The following RERE variants were observed in gnomAD, a reference collection of about 807,000 sequenced individuals.
The protein encoded by RERE is arginine-glutamic acid dipeptide repeats protein.
A neutral mutation model predicts 146.1 loss-of-function variants in RERE; 40 were observed. The observed-to-expected ratio is 0.27, with a 90% CI of 0.21 to 0.36. The LOEUF (loss-of-function observed/expected upper bound fraction) is 0.36. Ranked by LOEUF, RERE falls within the 10% of genes least tolerant of loss-of-function variation. The probability of loss-of-function intolerance (pLI) is 1.00; values close to 1 mark genes in which losing one functional copy is unlikely to be tolerated. For synonymous variants in RERE, 1,003 were observed against 866.0 expected (o/e 1.16, Z -2.78); for missense variants, 1,933 against 2,138.7 (o/e 0.90, Z 1.90).
intron 1 of RERE, among the ~76,000 whole-genome samples, chr1:8,677,454 GAAAAAAA>G (rs571192127): frequency 4.9e-5 from 5 of 101,698 alleles, no homozygotes; most frequent in Non-Finnish European, 1.1e-4. Flanking sequence ...AGAAAGAAAA[GAAAAAAA>G]AAAAAAAAGA....
At chr1:8,688,836 C>T (rs562044131) in intron 1 of RERE, among the ~76,000 whole-genome samples, 3 of 152,322 alleles carry the variant, frequency 2.0e-5, no homozygotes, top group Admixed American at 2.0e-4. Context: ...GTGTTCTGAG[C>T]ATGTGTAACA....
chr1:8,368,541 A>C (rs1433175133), intron 12 of RERE, among the ~76,000 whole-genome samples: 1 of 151,772 alleles, frequency 6.6e-6, no homozygotes, highest in African/African-American at 2.4e-5. Context: ...ACGAGACAAA[A>C]GGGACCAAAA....
chr1:8,363,036 G>A (rs1267064048), intron 15 of RERE, among the ~76,000 whole-genome samples, 192 bp from the exon 16 acceptor site: 1 of 152,176 alleles, frequency 6.6e-6, no homozygotes, highest in Non-Finnish European at 1.5e-5. Flanking sequence ...TCAGGGAAGA[G>A]GTGGGGAAAT....
intron 4 of RERE, among the ~76,000 whole-genome samples, chr1:8,603,770 C>T (rs1008741098): frequency 2.0e-5 from 3 of 151,846 alleles, no homozygotes; most frequent in African/African-American, 4.8e-5. Context: ...ACGTAAGCAA[C>T]ATAAGGAGGA....
intron 7 of RERE, among the ~76,000 whole-genome samples, chr1:8,534,861 A>T (rs1349146436): frequency 6.6e-6 from 1 of 152,246 alleles, no homozygotes; most frequent in Non-Finnish European, 1.5e-5. Context: ...TAAGAATTGT[A>T]TACTGACAGG....
intron 1 of RERE, among the ~76,000 whole-genome samples, chr1:8,683,507 T>C (rs1639020758): frequency 1.3e-5 from 2 of 152,172 alleles, no homozygotes; most frequent in Admixed American, 1.3e-4. Flanking sequence ...CCATCCACTG[T>C]AGACTGTCTA....
chr1:8,621,598 T>C (rs1021485945), intron 3 of RERE, among the ~76,000 whole-genome samples: 9 of 152,206 alleles, frequency 5.9e-5, no homozygotes, highest in Admixed American at 2.6e-4. Context: ...AACACATCTC[T>C]CAGTTATAAC....
chr1:8,480,193 G>A (rs1344659253), intron 10 of RERE, among the ~76,000 whole-genome samples: 1 of 136,066 alleles, frequency 7.3e-6, no homozygotes, highest in African/African-American at 2.8e-5. Flanking sequence ...AGGCTGCAGT[G>A]CACTGATGTC....
chr1:8,525,195 C>T (rs911574249), intron 7 of RERE, among the ~76,000 whole-genome samples: 10 of 152,164 alleles, frequency 6.6e-5, no homozygotes, highest in Non-Finnish European at 1.5e-4. Flanking sequence ...TTGTTGCAAT[C>T]ATAATTCACA....
intron 1 of RERE, among the ~76,000 whole-genome samples, chr1:8,663,480 T>G (rs1196782472): frequency 6.6e-6 from 1 of 152,150 alleles, no homozygotes; most frequent in East Asian, 1.9e-4. Flanking sequence ...TCCAACTGAA[T>G]CTTAGCTTAC....
Position 8,812,845 on chromosome 1 carries a change from T to C in RERE, c.-145+4315A>G, listed in dbSNP as rs114308193. Among the ~76,000 whole-genome samples the C allele has an allele frequency of 6.0e-3, 912 of 152,256 alleles. 7 individuals are homozygous for C. Among genetic ancestry groups the C allele is most frequent in the African/African-American group, 0.021 (885 of 41,542 alleles). ...TGAAGCTAGTAAATATATTTAGTAT[T>C]TGAACTTGAGTTGTGTTCAAATGTT... is the stretch of plus-strand genomic sequence containing the variant. On this transcript the variant is annotated intron_variant, in intron 1 of 22. Coordinates refer to ENST00000400908, the MANE Select transcript of RERE (RefSeq NM_001042681.2).
At chr1:8,678,460 T>C (rs1274476179) in intron 1 of RERE, among the ~76,000 whole-genome samples, 19 of 149,426 alleles carry the variant, frequency 1.3e-4, no homozygotes, top group Admixed American at 1.1e-3. Flanking sequence ...CTGGCTAACA[T>C]GGTGAAACCC....
chr1:8,725,360 GT>G (rs1293526825), intron 1 of RERE, among the ~76,000 whole-genome samples: 1 of 152,216 alleles, frequency 6.6e-6, no homozygotes, highest in African/African-American at 2.4e-5. Context: ...GAGGTCAGGA[GT>G]TTGAGACCAA....
intron 1 of RERE, among the ~76,000 whole-genome samples, chr1:8,724,693 G>C (rs1639924723): frequency 6.6e-6 from 1 of 152,000 alleles, no homozygotes; most frequent in African/African-American, 2.4e-5. Context: ...GCTGGGTGTG[G>C]TGGCGAGCAC....
chr1:8,360,920 G>C lies in RERE; in HGVS notation c.2587C>G (p.Leu863Val), dbSNP rs1381459384. Residue 863 changes from leucine to valine, a missense_variant, in exon 18 of 23, where the codon CTG becomes GTG. Coordinates refer to ENST00000400908, the MANE Select transcript of RERE (RefSeq NM_001042681.2). ...GPHSLQAGPL[L>V]QHPGPPQPFG... ...GGCTGTGGGGGGCCTGGGTGCTGCAGCAGGGGCCCAGCCTGCAGGCTGTGA... is the reference window on the plus strand; with the variant it reads ...GGCTGTGGGGGGCCTGGGTGCTGCACCAGGGGCCCAGCCTGCAGGCTGTGA... 5.3e-5 allele frequency: 79 copies of C among 1,482,370 alleles called. No homozygotes were observed. The highest frequency in any genetic ancestry group is 7.0e-5 in the Non-Finnish European group (79 of 1,123,398). 91.8% of individuals were successfully genotyped at this position (1,482,370 alleles called of 1,614,324 possible). A position where few individuals can be genotyped will look rare whatever the true frequency, so the allele number is the denominator to read the frequency against.
chr1:8,783,967 C>A (rs534946302), intron 1 of RERE, among the ~76,000 whole-genome samples: 7 of 152,154 alleles, frequency 4.6e-5, no homozygotes, highest in Non-Finnish European at 1.0e-4. Context: ...CTAAGAGCCC[C>A]CAGAAGGAAC....
At position 8,360,134 on chromosome 1, in the gene RERE, T is replaced by A; in HGVS notation, c.3373A>T (p.Ser1125Cys). The A allele has an allele frequency of 6.3e-7, 1 of 1,586,786 alleles. No individual in the cohort carries two copies. Among genetic ancestry groups the A allele is most frequent in the African/African-American group, 1.3e-5 (1 of 74,518 alleles). The stretch of plus-strand genomic sequence containing the variant: ...TACCTAGCTGACTGGCTGGCGTGAC[T>A]GGGGGTGTCCACCACAGTGGGCTCC... ...SPEPTVVDTPSHASQSARFYK... is the reference protein window; with the variant it reads ...SPEPTVVDTPCHASQSARFYK... The change falls in exon 18 of 23, where the codon AGT becomes TGT. Residue 1125 changes from serine to cysteine, a missense_variant. By Grantham distance (112) the Ser-to-Cys change is moderately radical. Transcript: ENST00000400908.
chr1:8,610,123 A>T (rs1646774826), intron 4 of RERE, among the ~76,000 whole-genome samples: 1 of 152,184 alleles, frequency 6.6e-6, no homozygotes, highest in Non-Finnish European at 1.5e-5. Flanking sequence ...TTTAATCTTA[A>T]CTTTTAAATT....
chr1:8,499,664 C>A (rs563291746), intron 8 of RERE, among the ~76,000 whole-genome samples: 2 of 152,356 alleles, frequency 1.3e-5, no homozygotes, highest in Non-Finnish European at 2.9e-5. Context: ...CATCAGCACC[C>A]ACACAGCTTT....
Sources: allele counts gnomAD v4.1 joint callset (sites outside exome capture counted in the v4.1 genomes callset), GRCh38; gene constraint gnomAD v4.1.1; transcripts MANE v1.5; gene names NCBI Gene and HGNC (gene_info 2026-07-23, HGNC 2026-07-21).